The following ZMAT1 variants were observed in gnomAD, a reference collection of about 807,000 sequenced individuals.
ZMAT1 encodes the protein zinc finger matrin-type protein 1.
In ZMAT1, 11 loss-of-function variants were observed where a neutral mutation model predicts 18.5. The ratio of observed to expected loss-of-function variants is 0.59; its 90% CI spans 0.37 to 0.98. ZMAT1 has a LOEUF of 0.98. Among genes scored for constraint, ZMAT1 ranks in the 50% least tolerant of loss-of-function variants. The pLI is 0.01. For synonymous variants in ZMAT1, 211 were observed against 176.4 expected (o/e 1.20, Z -1.55); for missense variants, 525 against 496.2 (o/e 1.06, Z -0.55).
At chrX:101,899,994 A>G (rs866782736) in intron 2 of ZMAT1, among the ~76,000 whole-genome samples, 32 of 111,895 alleles carry the variant, frequency 2.9e-4, no homozygotes, top group Admixed American at 2.5e-3. Flanking sequence ...GATTATGGCC[A>G]TTCTTGCAGG....
At chrX:101,928,529 T>C (rs972064333) in intron 1 of ZMAT1, among the ~76,000 whole-genome samples, 2 of 112,165 alleles carry the variant, frequency 1.8e-5, no homozygotes, top group Admixed American at 9.4e-5. Context: ...GGCTAATTTT[T>C]TGTATTTTTA....
At chrX:101,927,491 T>C (rs1930125371) in intron 1 of ZMAT1, among the ~76,000 whole-genome samples, 1 of 112,205 alleles carries the variant, frequency 8.9e-6, no homozygotes, top group African/African-American at 3.2e-5. Context: ...AAAGAAATAA[T>C]GAAGGGTTTC....
intron 2 of ZMAT1, among the ~76,000 whole-genome samples, chrX:101,899,012 C>T (rs1928034011): frequency 1.8e-5 from 2 of 110,761 alleles, no homozygotes; most frequent in Non-Finnish European, 3.8e-5. Flanking sequence ...TGCGCCACTG[C>T]ACTCCAGCCT....
intron 1 of ZMAT1, among the ~76,000 whole-genome samples, chrX:101,930,171 A>G (rs1235748017): frequency 8.9e-6 from 1 of 112,085 alleles, no homozygotes; most frequent in Non-Finnish European, 1.9e-5. Flanking sequence ...TTTTTTTTCC[A>G]CGAGATACTG....
At chrX:101,913,067 T>C (rs998406631) in intron 1 of ZMAT1, among the ~76,000 whole-genome samples, 1 of 112,302 alleles carries the variant, frequency 8.9e-6, no homozygotes, top group African/African-American at 3.2e-5. Flanking sequence ...TTATTAGTTT[T>C]CTTTTTGCTT....
In ZMAT1 at chrX:101,882,778, G is replaced by A. The variant is rs756990296; in HGVS notation, c.*732C>T. Reference sequence around the variant, plus strand: ...ATGAAGGAAAGTAACTTGAGGAAAAGGCATACTGAATACTTTTACTTCACT... The same window carrying A: ...ATGAAGGAAAGTAACTTGAGGAAAAAGCATACTGAATACTTTTACTTCACT... On this transcript the variant is annotated 3_prime_UTR_variant, in exon 6 of 6. Coordinates refer to ENST00000651725, the MANE Select transcript of ZMAT1 (RefSeq NM_001394560.1). The A allele has an allele frequency of 1.4e-3, 152 of 110,309 alleles. No homozygotes were observed. In the Middle Eastern group the frequency reaches 0.038, roughly 27 times the overall value. 9.1% of individuals were successfully genotyped at this position (110,309 alleles called of 1,213,427 possible).
intron 1 of ZMAT1, among the ~76,000 whole-genome samples, chrX:101,915,883 A>G (rs1569439795): frequency 8.9e-6 from 1 of 112,271 alleles, no homozygotes; most frequent in Non-Finnish European, 1.9e-5. Context: ...CAGAAATCCC[A>G]TTACTGGATA....
chrX:101,894,592 A>G (rs1238421175), intron 4 of ZMAT1: 3 of 550,265 alleles, frequency 5.5e-6, no homozygotes, highest in Non-Finnish European at 6.6e-6. Flanking sequence ...AAATGAAATC[A>G]GGGAAATAGA....
intron 1 of ZMAT1, among the ~76,000 whole-genome samples, chrX:101,929,445 A>C (rs1248058668): frequency 3.4e-5 from 3 of 87,024 alleles, no homozygotes; most frequent in South Asian, 5.3e-4. Flanking sequence ...ATATATATAT[A>C]TATATATATA....
chrX:101,896,393 A>G (rs1340822465), intron 4 of ZMAT1, among the ~76,000 whole-genome samples: 1 of 111,638 alleles, frequency 9.0e-6, no homozygotes. Context: ...AAGTTGATAA[A>G]TTTTGGGACT....
chrX:101,900,841 T>C (rs934743841), intron 2 of ZMAT1, among the ~76,000 whole-genome samples: 2 of 111,652 alleles, frequency 1.8e-5, no homozygotes, highest in Non-Finnish European at 3.8e-5. Context: ...CCGTGAAGAA[T>C]GATGGTGGTA....
intron 1 of ZMAT1, among the ~76,000 whole-genome samples, chrX:101,909,760 G>C (rs1928839191): frequency 8.9e-6 from 1 of 112,378 alleles, no homozygotes; most frequent in African/African-American, 3.2e-5. Flanking sequence ...CAATACAATA[G>C]AATACCAGGT....
rs1321415236 is a variant in ZMAT1 at position 101,882,582 on chromosome X, T to A, written c.*928A>T. The stretch of plus-strand genomic sequence containing the variant: ...ACACAAAACCAAGGAAAGAACTGAT[T>A]TTGTAACGCTTGGTAATTCTGTCCT... On this transcript the variant is annotated 3_prime_UTR_variant, in exon 6 of 6. Transcript: ENST00000651725. The A allele has an allele frequency of 9.0e-6, 1 of 111,442 alleles. No homozygotes were observed. Among genetic ancestry groups the A allele is most frequent in the Non-Finnish European group, 1.9e-5 (1 of 52,834 alleles). The allele number at this position is 111,442 out of a possible 1,213,427, so 9.2% of individuals were successfully genotyped here. A position where few individuals can be genotyped will look rare whatever the true frequency, so the allele number is the denominator to read the frequency against.
At position 101,883,428 on chromosome X, in the gene ZMAT1, C is replaced by T; in HGVS notation, c.*82G>A. On this transcript the variant is annotated 3_prime_UTR_variant, in exon 6 of 6. Coordinates refer to ENST00000651725, the MANE Select transcript of ZMAT1 (RefSeq NM_001394560.1). ...ACTGACTGTATCTACCTCTCCTTTTCTTCATCAGGTGTTCCTTTTTCTAAA... is the reference window on the plus strand; with the variant it reads ...ACTGACTGTATCTACCTCTCCTTTTTTTCATCAGGTGTTCCTTTTTCTAAA... 1.2e-6 allele frequency: 1 copy of T among 825,512 alleles called. No homozygotes were observed. Among genetic ancestry groups the T allele is most frequent in the Non-Finnish European group, 1.7e-6 (1 of 597,639 alleles). 68.0% of individuals were successfully genotyped at this position (825,512 alleles called of 1,213,427 possible).
At position 101,883,983 on chromosome X, in the gene ZMAT1, T is replaced by C. The variant is rs1163405854; in HGVS notation, c.1615A>G (p.Ile539Val). ...AHDSKQRLDS[I>V]SYCQLTRDCF... ...TCTCTGGTGAGTTGACAGTAGCTAA[T>C]AGAATCTAGTCTCTGTTTGCTATCA... Residue 539 changes from isoleucine (I) to valine (V), a missense_variant, in exon 6 of 6, where the codon ATT becomes GTT. Transcript: ENST00000651725. 6.6e-6 allele frequency: 8 copies of C among 1,209,002 alleles called. No homozygotes were observed. The highest frequency in any genetic ancestry group is 5.2e-5 in the African/African-American group (3 of 57,177).
At chrX:101,912,173 A>G in intron 1 of ZMAT1, 1 of 626,686 alleles carries the variant, frequency 1.6e-6, no homozygotes. Context: ...GTATATTCAT[A>G]CAAAAGCCTT....
chrX:101,930,440 T>C (rs1930407765), intron 1 of ZMAT1, among the ~76,000 whole-genome samples: 1 of 112,608 alleles, frequency 8.9e-6, no homozygotes, highest in Non-Finnish European at 1.9e-5. Flanking sequence ...AAGTGGCATT[T>C]ATGTAATGTG....
At chrX:101,928,364 CTTTT>C (rs1930183346) in intron 1 of ZMAT1, among the ~76,000 whole-genome samples, 1 of 111,668 alleles carries the variant, frequency 9.0e-6, no homozygotes, top group Non-Finnish European at 1.9e-5. Flanking sequence ...CTTTTTCTTT[CTTTT>C]TTTGTTTGAG....
chrX:101,889,119 GTTCT>G (rs1243760120), intron 4 of ZMAT1: 1 of 111,472 alleles, frequency 9.0e-6, no homozygotes, highest in East Asian at 2.8e-4. Flanking sequence ...ACATACTGAT[GTTCT>G]TTATCTTTTT....
Sources: allele counts gnomAD v4.1 joint callset (sites outside exome capture counted in the v4.1 genomes callset), GRCh38; gene constraint gnomAD v4.1.1; transcripts MANE v1.5; gene names NCBI Gene and HGNC (gene_info 2026-07-23, HGNC 2026-07-21).